DOCK1: variants seen among roughly 807,000 people sequenced by gnomAD.
DOCK1 encodes the protein dedicator of cytokinesis protein 1.
In DOCK1, 138 loss-of-function variants were observed where a neutral mutation model predicts 262.7. That is an observed-to-expected ratio of 0.53 (90% confidence interval 0.46 to 0.61). The LOEUF is 0.61. DOCK1 is among the 20% of genes least tolerant of loss of function. The probability of loss-of-function intolerance (pLI) is 0.00; values close to 1 mark genes in which losing one functional copy is unlikely to be tolerated. For synonymous variants in DOCK1, 866 were observed against 867.4 expected, an observed-to-expected ratio of 1.00 and a Z score of 0.03; for missense variants, 1,908 against 2,370.7, an observed-to-expected ratio of 0.80 and a Z score of 4.05.
At chr10:127,226,501 T>TG (rs2058646419) in intron 27 of DOCK1, among the ~76,000 whole-genome samples, 1 of 151,530 alleles carries the variant, frequency 6.6e-6, no homozygotes, top group Non-Finnish European at 1.5e-5. Flanking sequence ...CTCAGCACTT[T>TG]GGGAGCCGAG....
chr10:126,922,644 A>C (rs1394351001), intron 1 of DOCK1, among the ~76,000 whole-genome samples: 1 of 152,178 alleles, frequency 6.6e-6, no homozygotes, highest in African/African-American at 2.4e-5. Flanking sequence ...GGGGACAGAC[A>C]TCCAAATGGT....
chr10:127,107,984 T>C (rs553967119), intron 24 of DOCK1, among the ~76,000 whole-genome samples: 1 of 152,324 alleles, frequency 6.6e-6, no homozygotes, highest in Non-Finnish European at 1.5e-5. Flanking sequence ...TCATTGACGC[T>C]CACAGTTTGT....
intron 30 of DOCK1, among the ~76,000 whole-genome samples, chr10:127,339,488 C>T (rs541928694): frequency 1.3e-5 from 2 of 152,120 alleles, no homozygotes; most frequent in Admixed American, 6.5e-5. Context: ...TCTGTGTTCC[C>T]TCCATATCCT....
Position 127,012,439 on chromosome 10 carries a change from G to T in DOCK1, c.1201+65G>T. Reference sequence around the variant, plus strand: ...GCATGCGTTGGGGCAGTGCTGTCTGGGTTGGTTTTAGTTTGATGTTGATCA... The same window carrying T: ...GCATGCGTTGGGGCAGTGCTGTCTGTGTTGGTTTTAGTTTGATGTTGATCA... On this transcript the variant is annotated intron_variant, in intron 12 of 51. Coordinates refer to ENST00000623213, the MANE Select transcript of DOCK1 (RefSeq NM_001290223.2). The surrounding 1 kb of genome is among the most constrained non-coding windows in gnomAD (Gnocchi z 4.0). 6.6e-7 allele frequency: 1 copy of T among 1,519,580 alleles called. No individual in the cohort carries two copies. Among genetic ancestry groups the T allele is most frequent in the Non-Finnish European group, 9.1e-7 (1 of 1,101,904 alleles). 94.1% of individuals were successfully genotyped at this position (1,519,580 alleles called of 1,614,324 possible).
chr10:127,082,675 A>T (rs1259861219), intron 23 of DOCK1, among the ~76,000 whole-genome samples: 1 of 152,006 alleles, frequency 6.6e-6, no homozygotes, highest in Non-Finnish European at 1.5e-5. Context: ...CCCAAACCAT[A>T]TCAGGGTTGC....
rs369739654 is a variant in DOCK1 at position 127,175,900 on chromosome 10, G to A, written c.2847+48136G>A. On this transcript the variant is annotated intron_variant, in intron 27 of 51. Coordinates refer to ENST00000623213, the MANE Select transcript of DOCK1 (RefSeq NM_001290223.2). This position sits in a 1 kb window ranked among gnomAD's most constrained non-coding sequence, Gnocchi z 6.3. The stretch of plus-strand genomic sequence containing the variant: ...ACCAAGGCTGTGGTCTTGTGCACCC[G>A]CCCCGCGCCACATGGCCGGGCCTCC... The A allele has an allele frequency of 8.2e-5, 133 of 1,614,136 alleles. No homozygotes were observed. The highest frequency in any genetic ancestry group is 6.8e-4 in the Admixed American group (41 of 60,026).
rs532423571 is a variant in DOCK1 at position 127,138,055 on chromosome 10, G to C, written c.2847+10291G>C. 3.9e-6 allele frequency: 6 copies of C among 1,554,560 alleles called. No homozygotes were observed. The African/African-American group carries it at 5.5e-5, about 14-fold the overall frequency. On this transcript the variant is annotated intron_variant, in intron 27 of 51. Transcript: ENST00000623213. Reference sequence around the variant, plus strand: ...AGAGAGAGTGAAGACTTTAGCATTTGATCTTTTCCATATGAAGATCCCTCT... The same window carrying C: ...AGAGAGAGTGAAGACTTTAGCATTTCATCTTTTCCATATGAAGATCCCTCT...
intron 29 of DOCK1, among the ~76,000 whole-genome samples, chr10:127,286,043 C>T (rs2061141522): frequency 6.6e-6 from 1 of 152,104 alleles, no homozygotes; most frequent in Admixed American, 6.5e-5. Flanking sequence ...AGCTGGCTTC[C>T]CACTGGGCTC....
intron 23 of DOCK1, among the ~76,000 whole-genome samples, chr10:127,092,318 G>A (rs2047585012): frequency 6.6e-6 from 1 of 152,200 alleles, no homozygotes; most frequent in Non-Finnish European, 1.5e-5. Context: ...TCCTGGCTCT[G>A]TCATCGCTCA....
chr10:127,102,887 T>A (rs2048329926), intron 23 of DOCK1, among the ~76,000 whole-genome samples: 1 of 152,206 alleles, frequency 6.6e-6, no homozygotes, highest in African/African-American at 2.4e-5. Flanking sequence ...TCTTTTTTAA[T>A]GTACAGCTCT....
rs1185551682 is a variant in DOCK1, at chr10:127,362,126, C to G, written c.3346C>G (p.Pro1116Ala). 1 of 1,613,774 alleles carries G rather than the reference C, an allele frequency of 6.2e-7. No individual in the cohort carries two copies. The highest frequency in any genetic ancestry group is 1.1e-5 in the South Asian group (1 of 91,018). Residue 1116 changes from proline to alanine, a missense_variant, in exon 33 of 52, where the codon CCC becomes GCC. By Grantham distance (27) the Pro-to-Ala change is conservative. Coordinates refer to ENST00000623213, the MANE Select transcript of DOCK1 (RefSeq NM_001290223.2). ...CCCAATATTAGAAATGACATTAATT[C>G]CCGAGACGGAGCTGCGCAAAGCCAC... Reference protein sequence around the residue: ...VGPILEMTLIPETELRKATIP... With the variant: ...VGPILEMTLIAETELRKATIP...
intron 10 of DOCK1, among the ~76,000 whole-genome samples, chr10:127,003,529 C>T (rs572674276): frequency 6.6e-6 from 1 of 152,188 alleles, no homozygotes; most frequent in Non-Finnish European, 1.5e-5. Flanking sequence ...TTGCCTGGCT[C>T]CACTACATGC....
intron 29 of DOCK1, among the ~76,000 whole-genome samples, chr10:127,336,014 C>A (rs2063176640): frequency 6.6e-6 from 1 of 151,852 alleles, no homozygotes; most frequent in African/African-American, 2.4e-5. Context: ...CCATGCCCAG[C>A]CTGTAATTTT....
intron 27 of DOCK1, among the ~76,000 whole-genome samples, chr10:127,187,635 T>G (rs770756046): frequency 2.6e-5 from 4 of 152,098 alleles, no homozygotes; most frequent in Non-Finnish European, 5.9e-5. Flanking sequence ...CAAGCATTTT[T>G]CCTTAAGGGC....
At chr10:127,436,337 C>T (rs1021551488) in intron 48 of DOCK1, among the ~76,000 whole-genome samples, 7 of 152,006 alleles carry the variant, frequency 4.6e-5, no homozygotes, top group Middle Eastern at 3.2e-3. Context: ...GGCAACATAA[C>T]AAAACCCCAT....
At chr10:127,116,588 G>A (rs2049194871) in intron 25 of DOCK1, among the ~76,000 whole-genome samples, 1 of 152,028 alleles carries the variant, frequency 6.6e-6, no homozygotes, top group Non-Finnish European at 1.5e-5. Context: ...TAGAAAAGTT[G>A]CGTGTTTAAA....
intron 19 of DOCK1, among the ~76,000 whole-genome samples, chr10:127,041,392 C>T (rs939195484): frequency 6.6e-6 from 1 of 152,238 alleles, no homozygotes; most frequent in African/African-American, 2.4e-5. Flanking sequence ...GCCACTGCAC[C>T]TGGCCTGCTT....
intron 27 of DOCK1, among the ~76,000 whole-genome samples, chr10:127,192,202 AT>A (rs2056807227): frequency 6.6e-6 from 1 of 152,214 alleles, no homozygotes; most frequent in Admixed American, 6.5e-5. Context: ...TAAAGAGAAC[AT>A]GTCTATGGAT....
rs374682976 is a variant in DOCK1, at chr10:127,433,332, G to A, written c.4964G>A (p.Arg1655Gln). Residue 1655 changes from arginine (R) to glutamine (Q), a missense_variant, in exon 48 of 52, where the codon CGG becomes CAG. Physicochemically the swap from Arg to Gln is conservative, Grantham distance 43 (BLOSUM62 1). Around this residue, in one of 9 missense-constraint regions of DOCK1, gnomAD observed 383 missense variants for 420.1 expected, o/e 0.91. Transcript: ENST00000623213. ...GGCAGCCGCCCCCGGTCCATGGTGCGGTCCTTCACGATGCCTTCCTCATCC... is the reference window on the plus strand; with the variant it reads ...GGCAGCCGCCCCCGGTCCATGGTGCAGTCCTTCACGATGCCTTCCTCATCC... Reference protein sequence around the residue: ...RRGSRPRSMVRSFTMPSSSRP... With the variant: ...RRGSRPRSMVQSFTMPSSSRP... 1.5e-5 allele frequency: 25 copies of A among 1,613,798 alleles called. No homozygotes were observed. Among genetic ancestry groups the A allele is most frequent in the East Asian group, 2.2e-5 (1 of 44,860 alleles).
Sources: gnomAD v4.1 joint callset for allele counts (sites outside exome capture counted in the v4.1 genomes callset) on GRCh38, gnomAD v4.1.1 for gene constraint, gnomAD v4.1.1 regional missense constraint, Gnocchi (gnomAD v3.1) non-coding constraint, MANE v1.5 for transcripts, NCBI Gene and HGNC (gene_info 2026-07-23, HGNC 2026-07-21) for gene names.